PDE11A: variants seen among roughly 807,000 people sequenced by gnomAD.
PDE11A encodes the protein dual 3',5'-cyclic-AMP and -GMP phosphodiesterase 11A.
A neutral mutation model predicts 100.5 loss-of-function variants in PDE11A; 100 were observed. The observed-to-expected ratio is 1.00, with a 90% CI of 0.85 to 1.18. The LOEUF (loss-of-function observed/expected upper bound fraction) is 1.18. Ranked by LOEUF, PDE11A falls within the 50% of genes most tolerant of loss-of-function variation. PDE11A has a pLI of 0.00. For missense variants in PDE11A, 1,141 were observed against 1,152.6 expected (o/e 0.99, Z 0.15); for synonymous variants, 381 against 420.8 (o/e 0.91, Z 1.16).
At chr2:177,963,338 A>G (rs1369520) in intron 2 of PDE11A, among the ~76,000 whole-genome samples, 1 of 151,906 alleles carries the variant, frequency 6.6e-6, no homozygotes, top group East Asian at 1.9e-4. Flanking sequence ...AGTGTAACCC[A>G]GCATTCCACA....
intron 19 of PDE11A, among the ~76,000 whole-genome samples, chr2:177,648,048 G>T (rs932335413): frequency 2.0e-5 from 3 of 152,092 alleles, no homozygotes; most frequent in African/African-American, 7.2e-5. Context: ...GGAGTTCAAG[G>T]TCACAGTGAG....
intron 15 of PDE11A, among the ~76,000 whole-genome samples, chr2:177,683,079 G>A (rs2080887987): frequency 6.6e-6 from 1 of 152,090 alleles, no homozygotes; most frequent in Non-Finnish European, 1.5e-5. Flanking sequence ...TCTGGCCTGG[G>A]GTGCTTATCA....
At chr2:177,828,550 G>C (rs1185646371) in intron 6 of PDE11A, among the ~76,000 whole-genome samples, 2 of 152,152 alleles carry the variant, frequency 1.3e-5, no homozygotes, top group Admixed American at 1.3e-4. Context: ...GATAAGAGGG[G>C]TAAGGAGTAC....
intron 1 of PDE11A, among the ~76,000 whole-genome samples, chr2:178,062,592 C>A (rs959699217): frequency 6.6e-6 from 1 of 152,148 alleles, no homozygotes; most frequent in Non-Finnish European, 1.5e-5. Context: ...CCCAAGCCTG[C>A]AGTTCTTAAT....
Position 177,791,311 on chromosome 2 carries a change from C to T in PDE11A, c.1738-21938G>A, listed in dbSNP as rs1281323609. ...AACAAAAAGCCAAACACTGCATGTT[C>T]TCACTCATAGGTGGGAATTGAACAA... is the stretch of plus-strand genomic sequence containing the variant. On this transcript the variant is annotated intron_variant, in intron 9 of 19. Coordinates refer to ENST00000286063, the MANE Select transcript of PDE11A (RefSeq NM_016953.4). Among the ~76,000 whole-genome samples, 6 of 146,890 alleles carry T rather than the reference C, an allele frequency of 4.1e-5. No homozygotes were observed. In the Admixed American group the frequency reaches 4.3e-4, roughly 10 times the overall value.
intron 2 of PDE11A, among the ~76,000 whole-genome samples, chr2:177,959,768 G>A (rs1448366872): frequency 6.6e-6 from 1 of 152,018 alleles, no homozygotes; most frequent in Admixed American, 6.5e-5. Flanking sequence ...AAGTAGAGTT[G>A]GATTTAGATA....
At chr2:178,021,795 A>G (rs2086415857) in intron 1 of PDE11A, among the ~76,000 whole-genome samples, 1 of 152,184 alleles carries the variant, frequency 6.6e-6, no homozygotes, top group South Asian at 2.1e-4. Context: ...AAAAAAGGAG[A>G]GAAGCATTAG....
intron 5 of PDE11A, among the ~76,000 whole-genome samples, chr2:177,861,799 C>T (rs2083950365): frequency 6.6e-6 from 1 of 151,828 alleles, no homozygotes; most frequent in Admixed American, 6.6e-5. Context: ...ACATGGGTGG[C>T]AAGACAAATA....
rs187794173 is a variant in PDE11A at position 177,928,104 on chromosome 2, C to T, written c.1072-22917G>A. On this transcript the variant is annotated intron_variant, in intron 2 of 19. Transcript: ENST00000286063. ...GGGCAACAAGAGCGAAACTCCATCT[C>T]AAAAAAAAAAAAAAAAAAAAAAGCC... Among the ~76,000 whole-genome samples, 28 of 56,426 alleles carry T rather than the reference C, an allele frequency of 5.0e-4. 1 individual carries two copies. In the East Asian group the frequency reaches 0.016, roughly 32 times the overall value. The allele number at this position is 56,426 out of a possible 152,430, so 37.0% of individuals were successfully genotyped here. A position where few individuals can be genotyped will look rare whatever the true frequency, so the allele number is the denominator to read the frequency against.
chr2:177,971,284 C>A (rs1462882769), intron 2 of PDE11A, among the ~76,000 whole-genome samples: 3 of 152,160 alleles, frequency 2.0e-5, no homozygotes, highest in African/African-American at 4.8e-5. Flanking sequence ...TTTTCCTTTT[C>A]TTTTCATATT....
chr2:177,631,480 CAAAAAAAAAAAAAAAAAAA>C (rs539411793), intron 19 of PDE11A, among the ~76,000 whole-genome samples: 1 of 8,178 alleles, frequency 1.2e-4, no homozygotes, highest in East Asian at 6.2e-3. Flanking sequence ...GACTCTATCT[CAAAAAAAAAAAAAAAAAAA>C]AAAAAAAAAA....
At chr2:177,657,582 T>C (rs975420445) in intron 19 of PDE11A, among the ~76,000 whole-genome samples, 9 of 149,200 alleles carry the variant, frequency 6.0e-5, no homozygotes, top group African/African-American at 2.2e-4. Flanking sequence ...ATAGTTCCCA[T>C]CAGGAAAAGC....
intron 2 of PDE11A, among the ~76,000 whole-genome samples, chr2:177,908,218 A>T (rs552848993): frequency 6.6e-6 from 1 of 152,222 alleles, no homozygotes; most frequent in Non-Finnish European, 1.5e-5. Context: ...TAAGACTAGC[A>T]CTCCATTATT....
At chr2:177,931,256 CAAAT>C (rs886708548) in intron 2 of PDE11A, among the ~76,000 whole-genome samples, 73 of 152,026 alleles carry the variant, frequency 4.8e-4, no homozygotes, top group African/African-American at 1.7e-3. Context: ...TTTTAATTGA[CAAAT>C]AAAAAGTGTA....
At chr2:177,643,712 G>C (rs1006279295) in intron 19 of PDE11A, among the ~76,000 whole-genome samples, 3 of 152,360 alleles carry the variant, frequency 2.0e-5, no homozygotes, top group South Asian at 4.1e-4. Flanking sequence ...GGCCATGTCA[G>C]TGGTCTTCAA....
At chr2:177,810,759 G>T (rs2082938281) in intron 9 of PDE11A, among the ~76,000 whole-genome samples, 1 of 152,092 alleles carries the variant, frequency 6.6e-6, no homozygotes, top group Admixed American at 6.6e-5. Flanking sequence ...TCTATGAGTG[G>T]GTGAGTGATG....
chr2:177,735,910 T>A (rs2081772331), intron 10 of PDE11A, among the ~76,000 whole-genome samples: 1 of 152,170 alleles, frequency 6.6e-6, no homozygotes. Context: ...GAACTTCCCC[T>A]TTGAAGCTCT....
intron 8 of PDE11A, 139 bp from the exon 9 acceptor site, chr2:177,817,060 C>T: frequency 2.9e-6 from 2 of 678,218 alleles, no homozygotes; most frequent in South Asian, 3.2e-5. Context: ...GAAATAGGCA[C>T]ATTAAAATTC....
chr2:177,658,719 CTTT>C (rs60062998), intron 19 of PDE11A, among the ~76,000 whole-genome samples: 6 of 141,554 alleles, frequency 4.2e-5, no homozygotes, highest in Admixed American at 7.0e-5. Context: ...TGAGTGGTGT[CTTT>C]TTTTTTTTTT....
Sources: allele counts gnomAD v4.1 joint callset (sites outside exome capture counted in the v4.1 genomes callset), GRCh38; gene constraint gnomAD v4.1.1; transcripts MANE v1.5; gene names NCBI Gene and HGNC (gene_info 2026-07-23, HGNC 2026-07-21).